MAN1B1: variants seen among roughly 807,000 people sequenced by gnomAD.
The protein encoded by MAN1B1 is endoplasmic reticulum mannosyl-oligosaccharide 1,2-alpha-mannosidase.
A neutral mutation model predicts 75.5 loss-of-function variants in MAN1B1; 66 were observed. The ratio of observed to expected loss-of-function variants is 0.87; its 90% confidence interval spans 0.72 to 1.07. The LOEUF is 1.07. Ranked by LOEUF, MAN1B1 falls within the 50% of genes least tolerant of loss-of-function variation. The pLI is 0.00. For missense variants in MAN1B1, 973 were observed against 912.5 expected (o/e 1.07, Z -0.85); for synonymous variants, 453 against 382.8 (o/e 1.18, Z -2.14).
chr9:137,101,857 T>C (rs1250831351), intron 8 of MAN1B1, 185 bp downstream of exon 8: 2 of 774,810 alleles, frequency 2.6e-6, no homozygotes, highest in African/African-American at 1.7e-5. Context: ...ATTCACGCTG[T>C]TGCAGGCGTG....
intron 4 of MAN1B1, 65 bp downstream of exon 4, chr9:137,096,456 C>T (rs969272995): frequency 1.1e-4 from 166 of 1,557,594 alleles, no homozygotes; most frequent in Non-Finnish European, 1.3e-4. Flanking sequence ...AACAAGATTG[C>T]GGAAACGCAT....
chr9:137,106,107 T>TC lies in MAN1B1; in HGVS notation c.1255-13dup, dbSNP rs754798553. 6.2e-7 allele frequency: 1 copy of TC among 1,608,358 alleles called. No individual in the cohort carries two copies. Among genetic ancestry groups the TC allele is most frequent in the Non-Finnish European group, 8.5e-7 (1 of 1,176,168 alleles). The stretch of plus-strand genomic sequence containing the variant: ...TCGGCCCTGGCCAGTAAACCCACCA[T>TC]CCCCCTTTCTGCCGCAGGAGGCAGT... On this transcript the variant is annotated splice_polypyrimidine_tract_variant and intron_variant, in intron 8 of 12. Transcript: ENST00000371589.
intron 12 of MAN1B1, 113 bp from the exon 13 acceptor site, chr9:137,108,275 T>G: frequency 5.8e-5 from 57 of 976,538 alleles, no homozygotes; most frequent in Non-Finnish European, 8.4e-5. Flanking sequence ...CCCTCCACCC[T>G]GAGCTTGCGC....
intron 8 of MAN1B1, chr9:137,105,863 C>G (rs758524018): frequency 1.6e-6 from 1 of 642,354 alleles, no homozygotes; most frequent in South Asian, 1.5e-5. Context: ...TGAGAGCCAT[C>G]CTGAAGATGG....
Position 137,106,766 on chromosome 9 carries a change from C to T in MAN1B1, c.1523C>T (p.Thr508Ile), listed in dbSNP as rs1202393388. The T allele has an allele frequency of 1.9e-6, 3 of 1,613,332 alleles. No individual in the cohort carries two copies. Among genetic ancestry groups the T allele is most frequent in the Non-Finnish European group, 2.5e-6 (3 of 1,179,982 alleles). The change falls in exon 10 of 13, where the codon ACC becomes ATC. Residue 508 changes from threonine to isoleucine, a missense_variant. Transcript: ENST00000371589. The stretch of plus-strand genomic sequence containing the variant: ...CGGCACTCCGAGCCCAGTAAGCTCA[C>T]CTTTGTGGGGGAGCTTGCCCACGGC... ...LLRHSEPSKL[T>I]FVGELAHGRF...
chr9:137,092,189 C>T (rs1311455626), intron 3 of MAN1B1, among the ~76,000 whole-genome samples: 7 of 150,132 alleles, frequency 4.7e-5, no homozygotes, highest in Admixed American at 4.6e-4. Context: ...GGTGAGACCA[C>T]CATCTCTACC....
Position 137,108,718 on chromosome 9 carries a change from C to G in MAN1B1, c.*127C>G. 1.2e-6 allele frequency: 1 copy of G among 857,770 alleles called. No homozygotes were observed. Among genetic ancestry groups the G allele is most frequent in the Non-Finnish European group, 2.0e-6 (1 of 509,132 alleles). The allele number at this position is 857,770 out of a possible 1,614,324, so 53.1% of individuals were successfully genotyped here. ...GCCCAGGCTCTGAACTGGCTCTGGG[C>G]TCCTCCTCGTCTCTGCTTTAATCAG... On this transcript the variant is annotated 3_prime_UTR_variant, in exon 13 of 13. Transcript: ENST00000371589.
chr9:137,094,307 A>C, intron 3 of MAN1B1: 1 of 368,406 alleles, frequency 2.7e-6, no homozygotes, highest in Non-Finnish European at 5.6e-6. Flanking sequence ...GAGCCACTGC[A>C]CCTGACCCTC....
At chr9:137,094,895 C>CAA (rs1049703655) in intron 3 of MAN1B1, among the ~76,000 whole-genome samples, 67 of 136,994 alleles carry the variant, frequency 4.9e-4, no homozygotes, top group African/African-American at 1.8e-3. Context: ...AACAAACAAA[C>CAA]AAAAAAAACA....
At chr9:137,106,367 C>A (rs1225749492) in intron 9 of MAN1B1, 52 bp downstream of exon 9, 3 of 1,463,280 alleles carry the variant, frequency 2.1e-6, no homozygotes, top group Non-Finnish European at 2.8e-6. Context: ...GTTCCCGCAG[C>A]CCCCCACTCC....
chr9:137,106,108 C>A lies in MAN1B1; in HGVS notation c.1255-17C>A. 6.2e-7 allele frequency: 1 copy of A among 1,609,158 alleles called. No homozygotes were observed. Among genetic ancestry groups the A allele is most frequent in the Non-Finnish European group, 8.5e-7 (1 of 1,176,862 alleles). ...CGGCCCTGGCCAGTAAACCCACCAT[C>A]CCCCTTTCTGCCGCAGGAGGCAGTG... On this transcript the variant is annotated splice_polypyrimidine_tract_variant and intron_variant, in intron 8 of 12. Coordinates refer to ENST00000371589, the MANE Select transcript of MAN1B1 (RefSeq NM_016219.5).
chr9:137,101,854 C>CCTGCAACAGCGTGAA, intron 8 of MAN1B1, 182 bp downstream of exon 8: 1 of 785,500 alleles, frequency 1.3e-6, no homozygotes, highest in Non-Finnish European at 2.2e-6. Context: ...TACATTCACG[C>CCTGCAACAGCGTGAA]TGTTGCAGGC....
In MAN1B1 at chr9:137,088,951, A is replaced by G; in HGVS notation, c.411A>G (p.Pro137=). 1.2e-6 allele frequency: 2 copies of G among 1,614,048 alleles called. No individual in the cohort carries two copies. Among genetic ancestry groups the G allele is most frequent in the Non-Finnish European group, 1.7e-6 (2 of 1,180,024 alleles). ...AACCAGCAAATCCACCCGTCTTACCAGCTCCTCAGAAGGCGGACACCGACC... is the reference window on the plus strand; with the variant it reads ...AACCAGCAAATCCACCCGTCTTACCGGCTCCTCAGAAGGCGGACACCGACC... ...GLKPANPPVL[P]APQKADTDPE... Residue 137 remains proline, a synonymous_variant, in exon 3 of 13, where the codon CCA becomes CCG. Coordinates refer to ENST00000371589, the MANE Select transcript of MAN1B1 (RefSeq NM_016219.5).
At chr9:137,107,755 G>A (rs1007338228) in intron 12 of MAN1B1, 93 bp downstream of exon 12, 4 of 1,593,428 alleles carry the variant, frequency 2.5e-6, no homozygotes, top group Non-Finnish European at 2.6e-6. Context: ...TCTTGGTGGT[G>A]GCTGTGACCT....
intron 3 of MAN1B1, among the ~76,000 whole-genome samples, chr9:137,095,367 CT>C (rs202013611): frequency 2.0e-5 from 3 of 150,676 alleles, no homozygotes; most frequent in African/African-American, 7.3e-5. Flanking sequence ...GCATTCTTTC[CT>C]TTTTTAAAAA....
At position 137,108,764 on chromosome 9, in the gene MAN1B1, G is replaced by A. The variant is rs1831210328; in HGVS notation, c.*173G>A. On this transcript the variant is annotated 3_prime_UTR_variant, in exon 13 of 13. Coordinates refer to ENST00000371589, the MANE Select transcript of MAN1B1 (RefSeq NM_016219.5). ...ATCAGGACACCGTGAGGACAAGTGA[G>A]GCCGTCAGTCTTGGTGTGATGCGGG... The A allele has an allele frequency of 1.4e-6, 1 of 722,436 alleles. No individual in the cohort carries two copies. The highest frequency in any genetic ancestry group is 2.7e-5 in the East Asian group (1 of 37,348). 44.8% of individuals were successfully genotyped at this position (722,436 alleles called of 1,614,324 possible). A position where few individuals can be genotyped will look rare whatever the true frequency, so the allele number is the denominator to read the frequency against.
chr9:137,106,641 A>G (rs1317913471), intron 9 of MAN1B1, 48 bp from the exon 10 acceptor site: 5 of 1,611,900 alleles, frequency 3.1e-6, no homozygotes, highest in Non-Finnish European at 4.2e-6. Context: ...GCCCCACGGG[A>G]GCCGATGCAC....
chr9:137,105,436 T>C (rs12000204), intron 8 of MAN1B1: 8,961 of 185,784 alleles, frequency 0.048, 850 homozygotes, highest in African/African-American at 0.2. Context: ...CAGGCCCCCA[T>C]GGGCACCCCC....
chr9:137,108,554 C>G lies in MAN1B1; in HGVS notation c.2063C>G (p.Thr688Ser), dbSNP rs754882785. 1 of 1,613,886 alleles carries G rather than the reference C, an allele frequency of 6.2e-7. No homozygotes were observed. The highest frequency in any genetic ancestry group is 1.1e-5 in the South Asian group (1 of 91,082). ...AGCCTGGATGCCTACGTGTTCAACA[C>G]CGAAGCCCACCCTCTGCCTATCTGG... is the stretch of plus-strand genomic sequence containing the variant. ...LLSLDAYVFNTEAHPLPIWTP... is the reference protein window; with the variant it reads ...LLSLDAYVFNSEAHPLPIWTP... Residue 688 changes from threonine (T) to serine (S), a missense_variant, in exon 13 of 13, where the codon ACC becomes AGC. Transcript: ENST00000371589.
Sources: allele counts gnomAD v4.1 joint callset (sites outside exome capture counted in the v4.1 genomes callset), GRCh38; gene constraint gnomAD v4.1.1; transcripts MANE v1.5; gene names NCBI Gene and HGNC (gene_info 2026-07-23, HGNC 2026-07-21).